HERC1: variants seen among roughly 807,000 people sequenced by gnomAD.
HERC1 encodes probable E3 ubiquitin-protein ligase HERC1.
HERC1 carries 160 observed loss-of-function variants against 554.3 expected under a neutral mutation model. That is an observed-to-expected ratio of 0.29 (90% CI 0.25 to 0.33). The LOEUF is 0.33. HERC1 is among the 10% of genes least tolerant of loss of function. The pLI is 1.00. For synonymous variants in HERC1, 2,175 were observed against 2,131.7 expected (o/e 1.02, Z -0.56); for missense variants, 4,919 against 5,918.5 (o/e 0.83, Z 5.54).
Position 63,749,338 on chromosome 15 carries a change from C to G in HERC1, c.2219+29G>C, listed in dbSNP as rs2075162663. On this transcript the variant is annotated intron_variant, in intron 10 of 77. Coordinates refer to ENST00000443617, the MANE Select transcript of HERC1 (RefSeq NM_003922.4). The surrounding 1 kb of genome is among the most constrained non-coding windows in gnomAD (Gnocchi z 4.1). ...TTATTGGTGTTTATGTTAAAACACACAAGAATTTTTAAACATAGGCACTCT... is the reference window on the plus strand; with the variant it reads ...TTATTGGTGTTTATGTTAAAACACAGAAGAATTTTTAAACATAGGCACTCT... 3 of 1,536,470 alleles carry G rather than the reference C, an allele frequency of 2.0e-6. No individual in the cohort carries two copies. Among genetic ancestry groups the G allele is most frequent in the Non-Finnish European group, 2.6e-6 (3 of 1,142,298 alleles).
chr15:63,730,987 T>C (rs1370300388), intron 14 of HERC1, among the ~76,000 whole-genome samples: 1 of 152,246 alleles, frequency 6.6e-6, no homozygotes, highest in Non-Finnish European at 1.5e-5. Context: ...TTGGTGTATT[T>C]CTTTCCTTTG....
rs183658891 is a variant in HERC1, at chr15:63,675,025, A to G, written c.7163T>C (p.Leu2388Pro). 4 of 1,614,062 alleles carry G rather than the reference A, an allele frequency of 2.5e-6. No individual in the cohort carries two copies. The East Asian group carries it at 8.9e-5, about 36-fold the overall frequency. Residue 2388 changes from leucine (L) to proline (P), a missense_variant, in exon 38 of 78, where the codon CTG becomes CCG. Leu to Pro is a moderately conservative substitution (Grantham distance 98). Around this residue, in one of 11 missense-constraint regions of HERC1, gnomAD observed 1,963 missense variants for 2,228.6 expected, o/e 0.88. Coordinates refer to ENST00000443617, the MANE Select transcript of HERC1 (RefSeq NM_003922.4). ...LPFDVARFRG[L>P]TASVLLDLTY... Reference sequence around the variant, plus strand: ...TAGGTCCAGCAGCACAGAAGCCGTCAGGCCTCGGAATCGCGCCACATCAAA... The same window carrying G: ...TAGGTCCAGCAGCACAGAAGCCGTCGGGCCTCGGAATCGCGCCACATCAAA...
intron 73 of HERC1, among the ~76,000 whole-genome samples, chr15:63,623,114 A>G (rs1207079950): frequency 2.6e-5 from 4 of 152,232 alleles, no homozygotes; most frequent in Non-Finnish European, 5.9e-5. Flanking sequence ...AAGGAATGAG[A>G]AAGTCAATCC....
rs143430984 is a variant in HERC1, at chr15:63,795,943, G to T, written c.-26-20294C>A. On this transcript the variant is annotated intron_variant, in intron 1 of 77. Coordinates refer to ENST00000443617, the MANE Select transcript of HERC1 (RefSeq NM_003922.4). The stretch of plus-strand genomic sequence containing the variant: ...GGTAAAAATACCTTTAAATAAGGAA[G>T]AGGAACAGGCTACGACCTAATGCTT... Among the ~76,000 whole-genome samples, 1,124 of 152,348 alleles carry T rather than the reference G, an allele frequency of 7.4e-3. 15 individuals carry two copies. Among genetic ancestry groups the T allele is most frequent in the African/African-American group, 0.026 (1,082 of 41,582 alleles).
rs369834839 is a variant in HERC1, at chr15:63,669,544, G to A, written c.8200C>T (p.Arg2734Cys). The stretch of plus-strand genomic sequence containing the variant: ...TGCATATCAGCACACGCACCTGTGC[G>A]GTTAGCTGGCCTTGCTGACTGGGAA... ...PDSQSARPAN[R>C]TALSDPSSRL... Residue 2734 changes from arginine to cysteine, a missense_variant, in exon 40 of 78, where the codon CGC becomes TGC. Around this residue, in one of 11 missense-constraint regions of HERC1, gnomAD observed 1,963 missense variants for 2,228.6 expected, o/e 0.88. Transcript: ENST00000443617. 6 of 1,613,570 alleles carry A rather than the reference G, an allele frequency of 3.7e-6. No individual in the cohort carries two copies. The highest frequency in any genetic ancestry group is 3.3e-5 in the South Asian group (3 of 91,060).
chr15:63,735,344 T>G lies in HERC1; in HGVS notation c.2521-495A>C, dbSNP rs145628440. Reference sequence around the variant, plus strand: ...GATCAGGCATTTAAGAATTACAGAATTAGAACACATGGACACAGGAAGGTG... The same window carrying G: ...GATCAGGCATTTAAGAATTACAGAAGTAGAACACATGGACACAGGAAGGTG... On this transcript the variant is annotated intron_variant, in intron 12 of 77. Transcript: ENST00000443617. Among the ~76,000 whole-genome samples the G allele has an allele frequency of 1.9e-3, 253 of 132,054 alleles. 1 individual carries two copies. Among genetic ancestry groups the G allele is most frequent in the African/African-American group, 7.2e-3 (247 of 34,334 alleles). 86.6% of individuals were successfully genotyped at this position (132,054 alleles called of 152,430 possible). A position where few individuals can be genotyped will look rare whatever the true frequency, so the allele number is the denominator to read the frequency against.
chr15:63,704,815 T>G (rs975196876), intron 25 of HERC1, among the ~76,000 whole-genome samples: 1 of 149,454 alleles, frequency 6.7e-6, no homozygotes, highest in Non-Finnish European at 1.5e-5. Flanking sequence ...CTCGGCTCAC[T>G]GCAAGCTCCG....
At chr15:63,663,239 T>C (rs757871033) in intron 43 of HERC1, 35 bp from the exon 44 acceptor site, 3 of 1,556,774 alleles carry the variant, frequency 1.9e-6, no homozygotes, top group Non-Finnish European at 2.7e-6. Context: ...TTTATTTGCA[T>C]GCATAAAATA....
chr15:63,760,228 C>T (rs1189711204), intron 3 of HERC1, among the ~76,000 whole-genome samples: 3 of 150,004 alleles, frequency 2.0e-5, no homozygotes, highest in African/African-American at 7.4e-5. Context: ...TAACATTACA[C>T]ACAAAAAAAA....
rs35700814 is a variant in HERC1 at position 63,628,953 on chromosome 15, CT to C, written c.12967-139del. 0.48 allele frequency: 250,316 copies of C among 526,498 alleles called. 30,725 individuals are homozygous for C. Among genetic ancestry groups the C allele is most frequent in the African/African-American group, 0.7 (32,655 of 46,684 alleles). 32.6% of individuals were successfully genotyped at this position (526,498 alleles called of 1,614,324 possible). On this transcript the variant is annotated intron_variant, in intron 69 of 77. Coordinates refer to ENST00000443617, the MANE Select transcript of HERC1 (RefSeq NM_003922.4). The stretch of plus-strand genomic sequence containing the variant: ...TGCATCAGCATCAATAAAACACATT[CT>C]TTTTTTTTTTTTTTGAGATGGAGTC...
rs1346738254 is a variant in HERC1 at position 63,656,255 on chromosome 15, G to C, written c.9703C>G (p.Leu3235Val). 17 of 1,613,738 alleles carry C rather than the reference G, an allele frequency of 1.1e-5. No individual in the cohort carries two copies. The highest frequency in any genetic ancestry group is 1.4e-5 in the Non-Finnish European group (17 of 1,179,826). The change falls in exon 49 of 78, where the codon CTC (leucine) becomes GTC (valine). Residue 3235 changes from leucine to valine, a missense_variant. This residue lies in a region of HERC1 where 1,963 missense variants were observed against 2,228.6 expected (regional missense o/e 0.88). Coordinates refer to ENST00000443617, the MANE Select transcript of HERC1 (RefSeq NM_003922.4). ...MCLAAAGRAGLSTSPSAMAST... is the reference protein window; with the variant it reads ...MCLAAAGRAGVSTSPSAMAST... ...GCCATGGCAGAAGGGCTGGTGGAGAGGCCAGCTCTCCCTGCTGCTGCCAAG... is the reference window on the plus strand; with the variant it reads ...GCCATGGCAGAAGGGCTGGTGGAGACGCCAGCTCTCCCTGCTGCTGCCAAG...
intron 27 of HERC1, among the ~76,000 whole-genome samples, chr15:63,695,271 A>G (rs1251622039): frequency 6.6e-6 from 1 of 152,188 alleles, no homozygotes; most frequent in Non-Finnish European, 1.5e-5. Flanking sequence ...TCCTGAGCTC[A>G]AGCAATCCAA....
intron 76 of HERC1, among the ~76,000 whole-genome samples, chr15:63,614,577 G>A (rs1315828285): frequency 6.6e-6 from 1 of 152,230 alleles, no homozygotes; most frequent in African/African-American, 2.4e-5. Flanking sequence ...AGCTGGGAGT[G>A]AGGGGTATGG....
intron 75 of HERC1, 121 bp downstream of exon 75, chr15:63,616,309 A>T (rs554709267): frequency 1.7e-5 from 18 of 1,034,494 alleles, no homozygotes; most frequent in Non-Finnish European, 2.6e-5. Flanking sequence ...AATGGCATAG[A>T]TATGGCATTG....
At chr15:63,801,036 G>T (rs1341404041) in intron 1 of HERC1, among the ~76,000 whole-genome samples, 1 of 152,114 alleles carries the variant, frequency 6.6e-6, no homozygotes, top group Non-Finnish European at 1.5e-5. Flanking sequence ...CCCTAGACAG[G>T]GTTCAGAAAG....
intron 1 of HERC1, among the ~76,000 whole-genome samples, chr15:63,795,425 T>G (rs1277003776): frequency 2.6e-5 from 4 of 152,156 alleles, no homozygotes; most frequent in African/African-American, 7.2e-5. Flanking sequence ...GAAGTAGAGA[T>G]AAAATTGAGA....
At chr15:63,721,442 T>C (rs534810102) in intron 19 of HERC1, among the ~76,000 whole-genome samples, 4 of 151,878 alleles carry the variant, frequency 2.6e-5, no homozygotes, top group Non-Finnish European at 5.9e-5. Context: ...AGGAGAATCG[T>C]TTGAACTCGG....
intron 19 of HERC1, among the ~76,000 whole-genome samples, chr15:63,719,496 A>G (rs918167573): frequency 1.3e-5 from 2 of 152,244 alleles, no homozygotes; most frequent in Non-Finnish European, 1.5e-5. Context: ...TTACTCGGGG[A>G]AAAATGAGAA....
In HERC1 at chr15:63,650,223, T is replaced by C. The variant is rs2069596087; in HGVS notation, c.10547-298A>G. Among the ~76,000 whole-genome samples the C allele has an allele frequency of 1.3e-5, 2 of 151,804 alleles. 1 individual carries two copies. The highest frequency in any genetic ancestry group is 4.2e-4 in the South Asian group (2 of 4,796). On this transcript the variant is annotated intron_variant, in intron 53 of 77. Transcript: ENST00000443617. ...TTCGAGACCAGCCTAGTCAACATGGTGAAACCTCTTCTCTACTAAAACTAC... is the reference window on the plus strand; with the variant it reads ...TTCGAGACCAGCCTAGTCAACATGGCGAAACCTCTTCTCTACTAAAACTAC...
Sources: allele counts gnomAD v4.1 joint callset (sites outside exome capture counted in the v4.1 genomes callset), GRCh38; gene constraint gnomAD v4.1.1; regional missense constraint gnomAD v4.1.1; non-coding constraint Gnocchi (gnomAD v3.1); transcripts MANE v1.5; gene names NCBI Gene and HGNC (gene_info 2026-07-23, HGNC 2026-07-21).